FH: variants seen among roughly 807,000 people sequenced by gnomAD.
FH encodes fumarate hydratase.
FH carries 22 observed loss-of-function variants against 49.4 expected under a neutral mutation model. The observed-to-expected ratio is 0.45, with a 90% CI of 0.32 to 0.64. The LOEUF (loss-of-function observed/expected upper bound fraction) is 0.64. FH is among the 30% of genes least tolerant of loss of function. The probability of loss-of-function intolerance (pLI) is 0.05; values close to 1 mark genes in which losing one functional copy is unlikely to be tolerated. For missense variants in FH, 526 were observed against 641.5 expected, an observed-to-expected ratio of 0.82 and a Z score of 1.95; for synonymous variants, 208 against 223.0, an observed-to-expected ratio of 0.93 and a Z score of 0.60.
intron 1 of FH, among the ~76,000 whole-genome samples, chr1:241,518,635 G>T (rs1381239719): frequency 6.6e-6 from 1 of 152,184 alleles, no homozygotes; most frequent in African/African-American, 2.4e-5. Context: ...CTGAGTAGCT[G>T]TAAGTATTTC....
At chr1:241,514,145 T>C (rs1330286574) in intron 2 of FH, among the ~76,000 whole-genome samples, 1 of 152,178 alleles carries the variant, frequency 6.6e-6, no homozygotes, top group Non-Finnish European at 1.5e-5. Flanking sequence ...TACATTATAA[T>C]TGTTTCCTTC....
intron 1 of FH, 127 bp from the exon 2 acceptor site, chr1:241,517,443 T>G: frequency 1.0e-6 from 1 of 980,096 alleles, no homozygotes; most frequent in Non-Finnish European, 1.5e-6. Flanking sequence ...AAATACTATT[T>G]GGATTCTCAT....
intron 6 of FH, 124 bp from the exon 7 acceptor site, chr1:241,504,369 G>T: frequency 2.3e-6 from 2 of 888,546 alleles, no homozygotes; most frequent in Non-Finnish European, 3.5e-6. Flanking sequence ...AGAAAAAAAT[G>T]TTTACTTAAG....
chr1:241,500,766 T>C (rs960507231), intron 8 of FH, among the ~76,000 whole-genome samples, 176 bp from the exon 9 acceptor site: 2 of 151,834 alleles, frequency 1.3e-5, no homozygotes, highest in Non-Finnish European at 2.9e-5. Context: ...GAAACAAATG[T>C]GAAAGAAAGC....
chr1:241,507,215 T>C (rs1659954136), intron 5 of FH, among the ~76,000 whole-genome samples: 1 of 152,218 alleles, frequency 6.6e-6, no homozygotes, highest in African/African-American at 2.4e-5. Flanking sequence ...ACCATTGTGT[T>C]ACGATTGCCT....
At chr1:241,517,071 T>C in intron 2 of FH, 111 bp downstream of exon 2, 14 of 1,382,210 alleles carry the variant, frequency 1.0e-5, no homozygotes, top group Non-Finnish European at 1.3e-5. Flanking sequence ...CGAAGCCATC[T>C]TTTCTAATAA....
chr1:241,503,051 C>T (rs913379300), intron 7 of FH, among the ~76,000 whole-genome samples: 5 of 152,170 alleles, frequency 3.3e-5, no homozygotes, highest in African/African-American at 7.2e-5. Flanking sequence ...CTATTTATCA[C>T]GAGTCTCTGG....
At chr1:241,510,226 T>C (rs1660049587) in intron 4 of FH, among the ~76,000 whole-genome samples, 1 of 152,196 alleles carries the variant, frequency 6.6e-6, no homozygotes, top group Non-Finnish European at 1.5e-5. Flanking sequence ...ATAAGAATTC[T>C]CCAACAGTTC....
chr1:241,510,141 C>T (rs1189297765), intron 4 of FH, among the ~76,000 whole-genome samples: 4 of 152,200 alleles, frequency 2.6e-5, no homozygotes, highest in African/African-American at 4.8e-5. Context: ...ATTAAAAACA[C>T]TTCTTCCTTA....
intron 8 of FH, among the ~76,000 whole-genome samples, chr1:241,501,279 G>A (rs1057153063): frequency 1.3e-5 from 2 of 152,074 alleles, no homozygotes; most frequent in Admixed American, 1.3e-4. Flanking sequence ...TCCAACAATG[G>A]ACTCTAAGAC....
chr1:241,513,629 T>C lies in FH; in HGVS notation c.352A>G (p.Asn118Asp), dbSNP rs200738857. The C allele has an allele frequency of 3.2e-5, 51 of 1,613,894 alleles. No individual in the cohort carries two copies. The highest frequency in any genetic ancestry group is 4.3e-5 in the Non-Finnish European group (51 of 1,179,908). The change falls in exon 3 of 10, where the codon AAT (asparagine) becomes GAT (aspartate). Residue 118 changes from asparagine (N) to aspartate (D), a missense_variant. Asn to Asp is a conservative substitution (Grantham distance 23). Around this residue, in one of 2 missense-constraint regions of FH, gnomAD observed 383 missense variants for 514.0 expected, o/e 0.75. Transcript: ENST00000366560. ...TCATCTGCTGCCTTCATTATTGCAT[T>C]AGCAATCTTTGGATCAAGACCATAA... Reference protein sequence around the residue: ...QDYGLDPKIANAIMKAADEVA... With the variant: ...QDYGLDPKIADAIMKAADEVA...
At chr1:241,508,234 T>C (rs898198028) in intron 5 of FH, among the ~76,000 whole-genome samples, 7 of 152,182 alleles carry the variant, frequency 4.6e-5, no homozygotes, top group Non-Finnish European at 1.0e-4. Flanking sequence ...TTCTAAGCAC[T>C]CTACATAAAT....
chr1:241,519,448 G>T, intron 1 of FH, 143 bp downstream of exon 1: 1 of 1,041,514 alleles, frequency 9.6e-7, no homozygotes, highest in Non-Finnish European at 1.3e-6. Context: ...GGCCCGCCAC[G>T]CCGGCACGGG....
At chr1:241,504,361 A>T in intron 6 of FH, 116 bp from the exon 7 acceptor site, 1 of 1,001,208 alleles carries the variant, frequency 1.0e-6, no homozygotes, top group Non-Finnish European at 1.5e-6. Flanking sequence ...TTTACTTCAG[A>T]AAAAAATGTT....
rs1173896774 is a variant in FH at position 241,502,639 on chromosome 1, C to A, written c.1109-69G>T. ...CAAATAATCAGGAGAATAAAGAAATCTAATTTCACTAAATAGAGTAAGATA... is the reference window on the plus strand; with the variant it reads ...CAAATAATCAGGAGAATAAAGAAATATAATTTCACTAAATAGAGTAAGATA... On this transcript the variant is annotated intron_variant, in intron 7 of 9. Coordinates refer to ENST00000366560, the MANE Select transcript of FH (RefSeq NM_000143.4). 3 of 1,527,074 alleles carry A rather than the reference C, an allele frequency of 2.0e-6. No homozygotes were observed. In the African/African-American group the frequency reaches 4.1e-5, roughly 21 times the overall value. The allele number at this position is 1,527,074 out of a possible 1,614,324, so 94.6% of individuals were successfully genotyped here. A position where few individuals can be genotyped will look rare whatever the true frequency, so the allele number is the denominator to read the frequency against.
At chr1:241,517,076 TA>T in intron 2 of FH, 105 bp downstream of exon 2, 1 of 1,415,858 alleles carries the variant, frequency 7.1e-7, no homozygotes, top group Non-Finnish European at 9.9e-7. Flanking sequence ...CCATCTTTTC[TA>T]ATAACTTTAC....
chr1:241,503,205 T>C (rs758966747), intron 7 of FH, among the ~76,000 whole-genome samples: 31 of 152,328 alleles, frequency 2.0e-4, no homozygotes, highest in Non-Finnish European at 3.1e-4. Context: ...CCAGTTCTCT[T>C]TCTTTTGGCA....
chr1:241,513,158 T>C (rs1456628881), intron 3 of FH, among the ~76,000 whole-genome samples: 2 of 152,268 alleles, frequency 1.3e-5, no homozygotes, highest in Non-Finnish European at 2.9e-5. Context: ...TTATTATAAA[T>C]AGTGCTGTAA....
At chr1:241,508,163 C>T (rs540341644) in intron 5 of FH, among the ~76,000 whole-genome samples, 3 of 152,168 alleles carry the variant, frequency 2.0e-5, no homozygotes, top group East Asian at 3.9e-4. Context: ...GAGATGACAG[C>T]GATGACGGTG....
Sources: allele counts gnomAD v4.1 joint callset (sites outside exome capture counted in the v4.1 genomes callset), GRCh38; gene constraint gnomAD v4.1.1; regional missense constraint gnomAD v4.1.1; transcripts MANE v1.5; gene names NCBI Gene and HGNC (gene_info 2026-07-23, HGNC 2026-07-21).